The following PLCH2 variants were observed in gnomAD, a reference collection of about 807,000 sequenced individuals.
PLCH2 encodes the protein phospholipase C eta 2.
Under a neutral mutation model 134.7 loss-of-function variants are expected in PLCH2, and 98 were observed. The ratio of observed to expected loss-of-function variants is 0.73; its 90% confidence interval spans 0.62 to 0.86. The LOEUF (loss-of-function observed/expected upper bound fraction) is 0.86. PLCH2 is among the 40% of genes least tolerant of loss of function. The pLI is 0.00. For synonymous variants in PLCH2, 974 were observed against 827.5 expected (o/e 1.18, Z -3.04); for missense variants, 1,994 against 1,986.6 (o/e 1.00, Z -0.07).
At position 2,504,103 on chromosome 1, in the gene PLCH2, C is replaced by T; in HGVS notation, c.3141C>T (p.Asp1047=). Residue 1047 remains aspartate, a synonymous_variant, in exon 22 of 22, where the codon GAC becomes GAT. Transcript: ENST00000378486. The part of the protein sequence containing the change: ...PGANVASPLE[D]TEEPRDSRPR... ...CCAATGTGGCAAGCCCCCTAGAGGA[C>T]ACTGAGGAGCCCCGAGACAGCAGGC... 2 of 1,529,960 alleles carry T rather than the reference C, an allele frequency of 1.3e-6. No homozygotes were observed. Among genetic ancestry groups the T allele is most frequent in the South Asian group, 1.2e-5 (1 of 81,928 alleles). 94.8% of individuals were successfully genotyped at this position (1,529,960 alleles called of 1,614,324 possible).
chr1:2,429,252 C>T (rs1238035374), intron 1 of PLCH2, among the ~76,000 whole-genome samples: 1 of 152,176 alleles, frequency 6.6e-6, no homozygotes, highest in Non-Finnish European at 1.5e-5. Context: ...GCTGTTCTTC[C>T]CACCTGGCAG....
chr1:2,436,265 CCT>C (rs1639353014), intron 2 of PLCH2, among the ~76,000 whole-genome samples: 1 of 95,944 alleles, frequency 1.0e-5, no homozygotes, highest in African/African-American at 4.2e-5. Context: ...CCTCCCTCCT[CCT>C]CCTTTCCTCC....
chr1:2,465,964 C>G (rs923254906), upstream of PLCH2, among the ~76,000 whole-genome samples: 2 of 152,222 alleles, frequency 1.3e-5, no homozygotes, highest in African/African-American at 4.8e-5. Context: ...CTCTCCCCAC[C>G]TCAGTTTCTC....
At chr1:2,466,572 C>T (rs538898294), upstream of PLCH2, among the ~76,000 whole-genome samples, 3 of 152,338 alleles carry the variant, frequency 2.0e-5, no homozygotes, top group South Asian at 4.1e-4. Context: ...CCACATCCTC[C>T]TGCCCGGGCC....
At chr1:2,482,183 G>A (rs1269528067) in intron 4 of PLCH2, among the ~76,000 whole-genome samples, 4 of 152,236 alleles carry the variant, frequency 2.6e-5, no homozygotes, top group African/African-American at 4.8e-5. Flanking sequence ...CTCAGGCCCC[G>A]AGGGCCTCAC....
In PLCH2 at chr1:2,448,223, C is replaced by A. The variant is rs2100547209; in HGVS notation, c.115+17594C>A. ...TTCCTGCAGCTGCTGGGACCGGCTG[C>A]CGTGCACTGGCCACTAAAAACGCCG... On this transcript the variant is annotated intron_variant, in intron 2 of 3. Transcript: ENST00000609981. This position sits in a 1 kb window ranked among gnomAD's most constrained non-coding sequence, Gnocchi z 4.0. 6.6e-6 allele frequency among the ~76,000 whole-genome samples: 1 copy of A among 152,308 alleles called. No homozygotes were observed. Among genetic ancestry groups the A allele is most frequent in the South Asian group, 2.1e-4 (1 of 4,830 alleles).
chr1:2,448,985 G>C lies in PLCH2; in HGVS notation c.115+18356G>C, dbSNP rs936091936. Among the ~76,000 whole-genome samples the C allele has an allele frequency of 6.6e-6, 1 of 152,312 alleles. No homozygotes were observed. Among genetic ancestry groups the C allele is most frequent in the East Asian group, 1.9e-4 (1 of 5,174 alleles). ...GGCGCGGGGAAAGGGCCGTGGGCTT[G>C]GGCCCTGGAACGCATCCCAGGATCA... On this transcript the variant is annotated intron_variant, in intron 2 of 3. Coordinates refer to the PLCH2 transcript ENST00000609981. This position sits in a 1 kb window ranked among gnomAD's most constrained non-coding sequence, Gnocchi z 4.0.
chr1:2,502,840 G>A, intron 21 of PLCH2: 1 of 717,202 alleles, frequency 1.4e-6, no homozygotes, highest in Non-Finnish European at 2.6e-6. Context: ...GGGCCCTGCA[G>A]GGAGAGATGA....
Position 2,505,380 on chromosome 1 carries a change from C to A in PLCH2, c.*167C>A. The A allele has an allele frequency of 1.7e-6, 1 of 601,736 alleles. No homozygotes were observed. Among genetic ancestry groups the A allele is most frequent in the Non-Finnish European group, 2.9e-6 (1 of 349,434 alleles). 37.3% of individuals were successfully genotyped at this position (601,736 alleles called of 1,614,324 possible). ...TGCCCCTGCTCCCGGGGAGGAAAGG[C>A]TAAAGCTGCTGGCCCGGGGCCCACA... On this transcript the variant is annotated 3_prime_UTR_variant, in exon 22 of 22. Coordinates refer to ENST00000378486, the MANE Select transcript of PLCH2 (RefSeq NM_014638.4).
At chr1:2,503,139 T>G in intron 21 of PLCH2, 2 of 658,248 alleles carry the variant, frequency 3.0e-6, no homozygotes, top group Middle Eastern at 2.5e-4. Context: ...GGAGCTGGTT[T>G]GAGGCCCGAC....
intron 2 of PLCH2, among the ~76,000 whole-genome samples, chr1:2,438,792 C>T (rs993550201): frequency 6.6e-6 from 1 of 152,242 alleles, no homozygotes; most frequent in Admixed American, 6.5e-5. Flanking sequence ...CAGTCTGCCA[C>T]CCTCCCTGTG....
intron 15 of PLCH2, 106 bp downstream of exon 15, chr1:2,497,116 C>A: frequency 8.6e-7 from 1 of 1,158,614 alleles, no homozygotes; most frequent in Non-Finnish European, 1.2e-6. Context: ...CGGTTCTGTC[C>A]TGGGCTCTAT....
intron 16 of PLCH2, 27 bp downstream of exon 16, chr1:2,497,636 G>A (rs559875450): frequency 6.7e-5 from 98 of 1,455,784 alleles, no homozygotes; most frequent in African/African-American, 4.5e-4. Flanking sequence ...CTCAGGGCTC[G>A]GACGCTCAGG....
chr1:2,459,667 T>TGTGGTCTTCCTTTCCG (rs1454403879), intron 2 of PLCH2, among the ~76,000 whole-genome samples: 5 of 26,058 alleles, frequency 1.9e-4, no homozygotes, highest in African/African-American at 2.2e-4. Context: ...CCTCCTTGCC[T>TGTGGTCTTCCTTTCCG]GTGGTCTTCC....
At position 2,437,814 on chromosome 1, in the gene PLCH2, C is replaced by T. The variant is rs148774509; in HGVS notation, c.115+7185C>T. 5.6e-3 allele frequency among the ~76,000 whole-genome samples: 851 copies of T among 152,310 alleles called. 9 individuals carry two copies. Among genetic ancestry groups the T allele is most frequent in the African/African-American group, 0.019 (807 of 41,552 alleles). On this transcript the variant is annotated intron_variant, in intron 2 of 3. Transcript: ENST00000609981. ...ACATAGGGAAACACATGTGTACATA[C>T]AACACATGTTCACATGCACCCAAAC...
chr1:2,453,770 C>T (rs1371984620), intron 2 of PLCH2, among the ~76,000 whole-genome samples: 1 of 152,346 alleles, frequency 6.6e-6, no homozygotes, highest in East Asian at 1.9e-4. Flanking sequence ...CTCCTGACTC[C>T]AGCAGATGCC....
chr1:2,480,554 G>A (rs2100655703), intron 4 of PLCH2, among the ~76,000 whole-genome samples: 1 of 151,890 alleles, frequency 6.6e-6, no homozygotes, highest in East Asian at 1.9e-4. Context: ...GGGCTGCTCT[G>A]CCAGCTCTGG....
chr1:2,417,691 G>C, the PLCH2 span, among the ~76,000 whole-genome samples: 6 of 152,194 alleles, frequency 3.9e-5, no homozygotes, highest in Non-Finnish European at 8.8e-5. Flanking sequence ...TGGCTGGAGG[G>C]CACCTGGGAG....
chr1:2,434,399 C>G (rs1208764043), intron 2 of PLCH2, among the ~76,000 whole-genome samples: 1 of 152,250 alleles, frequency 6.6e-6, no homozygotes, highest in Non-Finnish European at 1.5e-5. Flanking sequence ...CACAGGGCCT[C>G]TGGCAGGGGC....
Sources: allele counts gnomAD v4.1 joint callset (sites outside exome capture counted in the v4.1 genomes callset), GRCh38; gene constraint gnomAD v4.1.1; non-coding constraint Gnocchi (gnomAD v3.1); transcripts MANE v1.5; gene names NCBI Gene and HGNC (gene_info 2026-07-23, HGNC 2026-07-21).